Variants in HTR2C observed in about 807,000 individuals in gnomAD.
HTR2C encodes 5-hydroxytryptamine receptor 2C.
In HTR2C, 5 loss-of-function variants were observed where a neutral mutation model predicts 21.0. The ratio of observed to expected loss-of-function variants is 0.24; its 90% CI spans 0.12 to 0.50. The LOEUF (loss-of-function observed/expected upper bound fraction) is 0.50, where lower values mean the gene tolerates loss of function less well. Among genes scored for constraint, HTR2C ranks in the 20% least tolerant of loss-of-function variants. The pLI is 0.98. For missense variants in HTR2C, 271 were observed against 371.2 expected (o/e 0.73, Z 2.22); for synonymous variants, 150 against 145.3 (o/e 1.03, Z -0.23).
chrX:114,681,909 G>A (rs1218429683), intron 2 of HTR2C, among the ~76,000 whole-genome samples: 1 of 111,282 alleles, frequency 9.0e-6, no homozygotes, highest in Non-Finnish European at 1.9e-5. Context: ...ATACACAGTT[G>A]TATGGCCAGC....
At chrX:114,727,709 T>G (rs1359439160) in intron 3 of HTR2C, among the ~76,000 whole-genome samples, 1 of 111,855 alleles carries the variant, frequency 8.9e-6, no homozygotes, top group African/African-American at 3.2e-5. Flanking sequence ...TTATGATTCT[T>G]GTAAAAGAGC....
At chrX:114,730,837 C>A (rs111921565) in intron 3 of HTR2C, among the ~76,000 whole-genome samples, 3,490 of 111,300 alleles carry the variant, frequency 0.031, 117 homozygotes, top group African/African-American at 0.11. Flanking sequence ...TCAAGCAGTA[C>A]TGTGGTTTCA....
At chrX:114,801,740 A>G (rs1464455872) in intron 4 of HTR2C, among the ~76,000 whole-genome samples, 1 of 111,152 alleles carries the variant, frequency 9.0e-6, no homozygotes, top group Non-Finnish European at 1.9e-5. Flanking sequence ...TTTTGATACA[A>G]GAGTACAATG....
rs149482384 is a variant in HTR2C at position 114,730,595 on chromosome X, G to C, written c.36-699G>C. The stretch of plus-strand genomic sequence containing the variant: ...GAAAAACTTCTGAAAAGAAATGAAA[G>C]GGTATTCTTGTCAAAACCCACTGTA... On this transcript the variant is annotated intron_variant, in intron 3 of 5. Coordinates refer to ENST00000276198, the MANE Select transcript of HTR2C (RefSeq NM_000868.4). Among the ~76,000 whole-genome samples the C allele has an allele frequency of 4.4e-3, 491 of 111,315 alleles. 2 individuals are homozygous for C. Among genetic ancestry groups the C allele is most frequent in the Middle Eastern group, 0.014 (3 of 215 alleles).
chrX:114,773,676 T>C (rs782524612), intron 4 of HTR2C, among the ~76,000 whole-genome samples: 1 of 112,377 alleles, frequency 8.9e-6, no homozygotes, highest in South Asian at 3.7e-4. Flanking sequence ...TTGTATTACA[T>C]ATTTTAGTCA....
intron 4 of HTR2C, among the ~76,000 whole-genome samples, chrX:114,838,766 A>C (rs782506959): frequency 8.9e-6 from 1 of 112,356 alleles, no homozygotes; most frequent in Non-Finnish European, 1.9e-5. Flanking sequence ...AACCTTTTAC[A>C]TATTAATTGT....
chrX:114,849,538 G>A (rs1377525595), intron 5 of HTR2C, among the ~76,000 whole-genome samples: 1 of 112,004 alleles, frequency 8.9e-6, no homozygotes, highest in Non-Finnish European at 1.9e-5. Context: ...AGGTGGAGAC[G>A]ATCATTTCAG....
intron 5 of HTR2C, among the ~76,000 whole-genome samples, chrX:114,863,444 T>C: frequency 2.7e-5 from 3 of 111,880 alleles, no homozygotes. Context: ...GTGCATTTTC[T>C]AATATTCCTC....
intron 4 of HTR2C, among the ~76,000 whole-genome samples, chrX:114,828,093 T>C (rs1014401475): frequency 9.0e-6 from 1 of 111,236 alleles, no homozygotes; most frequent in African/African-American, 3.3e-5. Flanking sequence ...GTTAAACATA[T>C]AGTTATTGTC....
intron 2 of HTR2C, among the ~76,000 whole-genome samples, chrX:114,622,855 C>T (rs1394005759): frequency 8.9e-6 from 1 of 111,899 alleles, no homozygotes; most frequent in Non-Finnish European, 1.9e-5. Flanking sequence ...AAAGATTTGT[C>T]TTTGGCTTTG....
chrX:114,767,267 G>A (rs2069955990), intron 4 of HTR2C, among the ~76,000 whole-genome samples: 1 of 110,746 alleles, frequency 9.0e-6, no homozygotes, highest in Non-Finnish European at 1.9e-5. Context: ...TTCGTACTTA[G>A]AGTATACATG....
intron 2 of HTR2C, among the ~76,000 whole-genome samples, chrX:114,645,031 G>A (rs1384632598): frequency 9.0e-6 from 1 of 110,576 alleles, no homozygotes. Context: ...ATGGGCAACT[G>A]GAAGGAAAAG....
At chrX:114,616,228 GT>G (rs781786026) in intron 2 of HTR2C, among the ~76,000 whole-genome samples, 10 of 104,085 alleles carry the variant, frequency 9.6e-5, no homozygotes, top group African/African-American at 1.4e-4. Context: ...TCTTTGGGTT[GT>G]TTTTTTTTTA....
intron 5 of HTR2C, among the ~76,000 whole-genome samples, chrX:114,868,165 G>A (rs1330422371): frequency 9.1e-6 from 1 of 109,827 alleles, no homozygotes; most frequent in African/African-American, 3.3e-5. Flanking sequence ...ATTTTTTGGT[G>A]TCCCCTTCAG....
intron 4 of HTR2C, among the ~76,000 whole-genome samples, chrX:114,745,816 G>A (rs781828947): frequency 7.2e-5 from 8 of 110,820 alleles, no homozygotes; most frequent in East Asian, 2.8e-4. Flanking sequence ...GAAGGGTAGT[G>A]GGGGGGGATG....
chrX:114,618,336 T>C (rs1245069338), intron 2 of HTR2C, among the ~76,000 whole-genome samples: 2 of 112,192 alleles, frequency 1.8e-5, no homozygotes, highest in African/African-American at 3.2e-5. Flanking sequence ...TCAAGGTGGT[T>C]TCAAAGTTAC....
chrX:114,821,658 A>T (rs2070633833), intron 4 of HTR2C, among the ~76,000 whole-genome samples: 2 of 111,396 alleles, frequency 1.8e-5, no homozygotes, highest in African/African-American at 6.5e-5. Context: ...AATTTTAAAG[A>T]AATCTGCATT....
chrX:114,688,486 C>T (rs180802714), intron 2 of HTR2C, among the ~76,000 whole-genome samples: 22 of 111,099 alleles, frequency 2.0e-4, no homozygotes, highest in African/African-American at 6.5e-4. Flanking sequence ...ATTTAAAAAT[C>T]GTCTTATAAT....
At chrX:114,869,961 CATTG>C (rs1444546815) in intron 5 of HTR2C, among the ~76,000 whole-genome samples, 1 of 112,136 alleles carries the variant, frequency 8.9e-6, no homozygotes, top group East Asian at 2.8e-4. Context: ...TGATGTATCA[CATTG>C]ATTGATTTGC....
Sources: allele counts gnomAD v4.1 joint callset (sites outside exome capture counted in the v4.1 genomes callset), GRCh38; gene constraint gnomAD v4.1.1; transcripts MANE v1.5; gene names NCBI Gene and HGNC (gene_info 2026-07-23, HGNC 2026-07-21).